Variants in ACTN1 observed in about 807,000 individuals in gnomAD.
ACTN1 encodes the protein actinin alpha 1.
In ACTN1, 30 loss-of-function variants were observed where a neutral mutation model predicts 119.6. The ratio of observed to expected loss-of-function variants is 0.25; its 90% CI spans 0.19 to 0.34. The LOEUF (loss-of-function observed/expected upper bound fraction) is 0.34, where lower values mean the gene tolerates loss of function less well. Ranked by LOEUF, ACTN1 falls within the 10% of genes least tolerant of loss-of-function variation. ACTN1 has a pLI of 1.00. For missense variants in ACTN1, 764 were observed against 1,223.4 expected, an observed-to-expected ratio of 0.62 and a Z score of 5.60; for synonymous variants, 429 against 472.6, an observed-to-expected ratio of 0.91 and a Z score of 1.20.
chr14:68,959,796 G>A (rs2036467107), intron 1 of ACTN1, among the ~76,000 whole-genome samples: 1 of 152,136 alleles, frequency 6.6e-6, no homozygotes, highest in Non-Finnish European at 1.5e-5. Context: ...TCCTACAGTT[G>A]AGTCCCCAGA....
Position 68,893,756 on chromosome 14 carries a change from A to G in ACTN1, c.763-9T>C. On this transcript the variant is annotated splice_polypyrimidine_tract_variant and intron_variant, in intron 8 of 21. Transcript: ENST00000394419. Reference sequence around the variant, plus strand: ...TTGGCTGCTGTCTCCGCCTGGCAACAAGACAGAGAGAGTCACGACCAGCCA... The same window carrying G: ...TTGGCTGCTGTCTCCGCCTGGCAACGAGACAGAGAGAGTCACGACCAGCCA... 6.2e-7 allele frequency: 1 copy of G among 1,613,502 alleles called. No homozygotes were observed. The highest frequency in any genetic ancestry group is 1.1e-5 in the South Asian group (1 of 91,078).
At chr14:68,914,860 T>C (rs1397700197) in intron 3 of ACTN1, among the ~76,000 whole-genome samples, 1 of 152,176 alleles carries the variant, frequency 6.6e-6, no homozygotes, top group Non-Finnish European at 1.5e-5. Flanking sequence ...ACTAGAAGTG[T>C]AAATTGGTTT....
At chr14:68,956,865 T>C (rs1176452178) in intron 1 of ACTN1, among the ~76,000 whole-genome samples, 2 of 152,126 alleles carry the variant, frequency 1.3e-5, no homozygotes, top group South Asian at 2.1e-4. Flanking sequence ...TGTGGTTTTC[T>C]GGGTGGGGAG....
Position 68,874,822 on chromosome 14 carries a change from C to A in ACTN1, c.*37G>T. 2 of 1,526,504 alleles carry A rather than the reference C, an allele frequency of 1.3e-6. No homozygotes were observed. Among genetic ancestry groups the A allele is most frequent in the Non-Finnish European group, 1.8e-6 (2 of 1,131,538 alleles). 94.6% of individuals were successfully genotyped at this position (1,526,504 alleles called of 1,614,324 possible). Reference sequence around the variant, plus strand: ...GCGACGGCGGAGGTGCAAGGCAGGGCACGGCGCACAAGACGAGGGCGGCCG... The same window carrying A: ...GCGACGGCGGAGGTGCAAGGCAGGGAACGGCGCACAAGACGAGGGCGGCCG... On this transcript the variant is annotated 3_prime_UTR_variant, in exon 22 of 22. Coordinates refer to ENST00000394419, the MANE Select transcript of ACTN1 (RefSeq NM_001130004.2).
At chr14:68,888,262 T>A in intron 11 of ACTN1, 1 of 339,204 alleles carries the variant, frequency 2.9e-6, no homozygotes. Context: ...ACTGAATACA[T>A]GTGGCCAAAC....
chr14:68,908,884 C>A (rs2033827748), intron 6 of ACTN1, among the ~76,000 whole-genome samples: 1 of 152,206 alleles, frequency 6.6e-6, no homozygotes, highest in Non-Finnish European at 1.5e-5. Flanking sequence ...GAAACCAAAT[C>A]CATGGGTGGG....
intron 1 of ACTN1, among the ~76,000 whole-genome samples, chr14:68,941,205 C>T (rs1156980442): frequency 6.6e-6 from 1 of 152,136 alleles, no homozygotes; most frequent in East Asian, 1.9e-4. Context: ...GGGGAGAAGC[C>T]AGGCAGAAAA....
intron 1 of ACTN1, among the ~76,000 whole-genome samples, chr14:68,967,924 A>G (rs1451782604): frequency 6.6e-6 from 1 of 152,258 alleles, no homozygotes; most frequent in Non-Finnish European, 1.5e-5. Context: ...GAGGCTGCTG[A>G]GCCATAAAAT....
At chr14:68,934,595 G>C (rs1190527511) in intron 1 of ACTN1, among the ~76,000 whole-genome samples, 1 of 152,182 alleles carries the variant, frequency 6.6e-6, no homozygotes, top group Non-Finnish European at 1.5e-5. Context: ...CCAATTCTGG[G>C]CCACCATCCT....
intron 10 of ACTN1, among the ~76,000 whole-genome samples, chr14:68,890,584 G>A (rs1361761877): frequency 1.3e-5 from 2 of 152,210 alleles, no homozygotes; most frequent in Admixed American, 6.5e-5. Flanking sequence ...GACTCTCCCT[G>A]ACTAGGACTG....
intron 1 of ACTN1, among the ~76,000 whole-genome samples, chr14:68,958,295 A>G (rs550004956): frequency 1.1e-3 from 167 of 152,334 alleles, no homozygotes; most frequent in Middle Eastern, 3.4e-3. Flanking sequence ...GAGGAAAATC[A>G]GGTGCCCCAT....
At chr14:68,975,594 G>A (rs1173272605) in intron 1 of ACTN1, among the ~76,000 whole-genome samples, 1 of 152,098 alleles carries the variant, frequency 6.6e-6, no homozygotes, top group Non-Finnish European at 1.5e-5. Flanking sequence ...GAATGTGAGC[G>A]AAATTACATA....
intron 13 of ACTN1, 98 bp downstream of exon 13, chr14:68,884,677 T>C: frequency 2.8e-6 from 3 of 1,058,278 alleles, no homozygotes; most frequent in Middle Eastern, 2.1e-4. Flanking sequence ...GGGGAAGCCA[T>C]AGAGTCTTTT....
At chr14:68,929,471 G>A (rs907504445) in intron 1 of ACTN1, among the ~76,000 whole-genome samples, 19 of 151,884 alleles carry the variant, frequency 1.3e-4, no homozygotes, top group African/African-American at 3.9e-4. Flanking sequence ...TGCTCAGCCC[G>A]ATGAAGCCCT....
chr14:68,902,265 GTT>G (rs1181864674), intron 8 of ACTN1, among the ~76,000 whole-genome samples: 1 of 152,218 alleles, frequency 6.6e-6, no homozygotes, highest in Non-Finnish European at 1.5e-5. Context: ...CAATTTTCTT[GTT>G]AACAGTAGAA....
At chr14:68,908,787 C>T (rs2033821748) in intron 6 of ACTN1, among the ~76,000 whole-genome samples, 3 of 152,200 alleles carry the variant, frequency 2.0e-5, no homozygotes, top group Admixed American at 6.5e-5. Flanking sequence ...ACTCCACACA[C>T]CCACTCAAGA....
chr14:68,878,479 C>G lies in ACTN1; in HGVS notation c.2406G>C (p.Leu802=). The G allele has an allele frequency of 6.4e-7, 1 of 1,571,888 alleles. No individual in the cohort carries two copies. Among genetic ancestry groups the G allele is most frequent in the Non-Finnish European group, 8.6e-7 (1 of 1,157,162 alleles). ...TTACCATGTTGTAACCCATGGAGAT[C>G]AGGCAGGCGCGGAAATCATCCGTGT... ...MMDTDDFRAC[L]ISMGYNMGEA... is the part of the protein sequence containing the mutation. Residue 802 remains leucine (L), a synonymous_variant, in exon 20 of 22, where the codon CTG becomes CTC. Transcript: ENST00000394419. This position sits in a 1 kb window ranked among gnomAD's most constrained non-coding sequence, Gnocchi z 4.4.
intron 3 of ACTN1, among the ~76,000 whole-genome samples, chr14:68,918,629 C>T (rs1468033288): frequency 4.0e-5 from 6 of 151,508 alleles, no homozygotes; most frequent in African/African-American, 1.5e-4. Context: ...GGCGCGGTGG[C>T]GCACACCTGT....
intron 1 of ACTN1, among the ~76,000 whole-genome samples, chr14:68,975,641 A>G (rs1465575298): frequency 1.3e-5 from 2 of 152,210 alleles, no homozygotes; most frequent in African/African-American, 4.8e-5. Context: ...CCCTGAAAAT[A>G]ACAGCAACTC....
Sources: allele counts gnomAD v4.1 joint callset (sites outside exome capture counted in the v4.1 genomes callset), GRCh38; gene constraint gnomAD v4.1.1; non-coding constraint Gnocchi (gnomAD v3.1); transcripts MANE v1.5; gene names NCBI Gene and HGNC (gene_info 2026-07-23, HGNC 2026-07-21).